Variants in ACBD6 observed in about 807,000 individuals in gnomAD.
ACBD6 encodes acyl-CoA binding domain containing 6.
Under a neutral mutation model 37.2 loss-of-function variants are expected in ACBD6, and 28 were observed. The ratio of observed to expected loss-of-function variants is 0.75; its 90% CI spans 0.56 to 1.03. The LOEUF is 1.03. Ranked by LOEUF, ACBD6 falls within the 50% of genes least tolerant of loss-of-function variation. The probability of loss-of-function intolerance (pLI) is 0.00; values close to 1 mark genes in which losing one functional copy is unlikely to be tolerated. For synonymous variants in ACBD6, 113 were observed against 126.8 expected (o/e 0.89, Z 0.73); for missense variants, 340 against 337.4 (o/e 1.01, Z -0.06).
intron 3 of ACBD6, chr1:180,435,907 C>A: frequency 7.2e-7 from 1 of 1,387,138 alleles, no homozygotes; most frequent in Non-Finnish European, 1.0e-6. Context: ...ATGGTGGTGG[C>A]CACAAGCTTG....
At chr1:180,421,679 TTAA>T (rs1317786915) in intron 4 of ACBD6, among the ~76,000 whole-genome samples, 22 of 152,194 alleles carry the variant, frequency 1.4e-4, no homozygotes, top group Non-Finnish European at 3.1e-4. Context: ...TTTTGACTTT[TTAA>T]TAACAGCCAT....
At chr1:180,433,049 T>C (rs867566792) in intron 3 of ACBD6, among the ~76,000 whole-genome samples, 2 of 152,318 alleles carry the variant, frequency 1.3e-5, no homozygotes, top group Non-Finnish European at 1.5e-5. Flanking sequence ...CACTTCTAAC[T>C]CATTTTATGA....
At chr1:180,500,461 G>A (rs992667774) in intron 1 of ACBD6, among the ~76,000 whole-genome samples, 4 of 151,664 alleles carry the variant, frequency 2.6e-5, no homozygotes, top group African/African-American at 9.7e-5. Flanking sequence ...GGGAGGCCAA[G>A]GCAGGCAGAT....
chr1:180,399,262 T>A (rs895664977), intron 5 of ACBD6, among the ~76,000 whole-genome samples: 8 of 152,080 alleles, frequency 5.3e-5, no homozygotes, highest in Non-Finnish European at 8.8e-5. Context: ...AGGAGTTATT[T>A]TTTATTTATT....
intron 6 of ACBD6, among the ~76,000 whole-genome samples, chr1:180,361,291 T>TC (rs1553298134): frequency 2.0e-5 from 3 of 149,956 alleles, no homozygotes; most frequent in African/African-American, 7.4e-5. Flanking sequence ...TTTTTTTTTT[T>TC]AAACAGGTGC....
chr1:180,269,701 CA>C (rs1164229497), exon 14 of ACBD6: 2 of 152,218 alleles, frequency 1.3e-5, no homozygotes, highest in African/African-American at 4.8e-5. Flanking sequence ...AGATTGTACA[CA>C]AGTGCACTAT....
At chr1:180,496,453 G>C (rs1418715064) in intron 1 of ACBD6, among the ~76,000 whole-genome samples, 1 of 152,118 alleles carries the variant, frequency 6.6e-6, no homozygotes, top group African/African-American at 2.4e-5. Context: ...TTTTCCCACT[G>C]TTTCCCATTA....
At chr1:180,437,823 C>G (rs1305541515) in intron 3 of ACBD6, among the ~76,000 whole-genome samples, 2 of 151,934 alleles carry the variant, frequency 1.3e-5, no homozygotes, top group African/African-American at 4.8e-5. Flanking sequence ...TAGAGAAGGC[C>G]CTTTGAATAA....
intron 6 of ACBD6, among the ~76,000 whole-genome samples, chr1:180,328,117 C>G (rs1481866939): frequency 6.6e-6 from 1 of 152,070 alleles, no homozygotes; most frequent in Non-Finnish European, 1.5e-5. Flanking sequence ...CCACTGGTAA[C>G]ACTGCTGTTT....
At chr1:180,271,116 T>G (rs1274552112) in exon 14 of ACBD6, 6 of 543,900 alleles carry the variant, frequency 1.1e-5, no homozygotes, top group Non-Finnish European at 2.0e-5. Flanking sequence ...TCTGTGCAGC[T>G]GGGCTGGCAG....
intron 3 of ACBD6, among the ~76,000 whole-genome samples, chr1:180,475,828 A>C (rs1650756038): frequency 6.6e-6 from 1 of 152,228 alleles, no homozygotes; most frequent in South Asian, 2.1e-4. Context: ...AAAAAAATAA[A>C]GTAAAATGAC....
chr1:180,420,321 T>C (rs1558292548), intron 4 of ACBD6, among the ~76,000 whole-genome samples: 1 of 152,258 alleles, frequency 6.6e-6, no homozygotes. Flanking sequence ...AAGTCACATA[T>C]AACATGTAGA....
At chr1:180,464,070 A>G (rs1650252865) in intron 3 of ACBD6, among the ~76,000 whole-genome samples, 2 of 152,222 alleles carry the variant, frequency 1.3e-5, no homozygotes, top group Non-Finnish European at 2.9e-5. Flanking sequence ...AGTATGAGCC[A>G]TCTATGACAA....
At chr1:180,390,412 A>C (rs971480416) in intron 6 of ACBD6, among the ~76,000 whole-genome samples, 3 of 151,102 alleles carry the variant, frequency 2.0e-5, no homozygotes, top group African/African-American at 7.3e-5. Flanking sequence ...GTAGCCTTGT[A>C]GTATAGTTTG....
chr1:180,396,172 T>C (rs1015644925), intron 6 of ACBD6, among the ~76,000 whole-genome samples: 29 of 152,134 alleles, frequency 1.9e-4, no homozygotes, highest in African/African-American at 6.8e-4. Flanking sequence ...TAGTGTTTAA[T>C]GGTTAGAGTT....
chr1:180,301,314 A>AT (rs1650121099), intron 7 of ACBD6, among the ~76,000 whole-genome samples: 1 of 152,184 alleles, frequency 6.6e-6, no homozygotes, highest in South Asian at 2.1e-4. Context: ...AAAGCCACAT[A>AT]TAACTGCTGA....
chr1:180,372,605 G>A (rs966436834), intron 6 of ACBD6, among the ~76,000 whole-genome samples: 6 of 152,052 alleles, frequency 3.9e-5, no homozygotes, highest in Non-Finnish European at 5.9e-5. Flanking sequence ...AATCAACGTC[G>A]CAAATCCTTT....
At chr1:180,366,325 T>C (rs73048331) in intron 6 of ACBD6, among the ~76,000 whole-genome samples, 5,200 of 152,276 alleles carry the variant, frequency 0.034, 262 homozygotes, top group African/African-American at 0.093. Context: ...GATTCAGTTG[T>C]AGGTAGCTTA....
chr1:180,271,442 T>C (rs750777255), exon 14 of ACBD6: 3 of 1,613,930 alleles, frequency 1.9e-6, no homozygotes, highest in Non-Finnish European at 2.5e-6. Flanking sequence ...GCTGGAGACA[T>C]TAAAGAATGC....
Sources: allele counts gnomAD v4.1 joint callset (sites outside exome capture counted in the v4.1 genomes callset), GRCh38; gene constraint gnomAD v4.1.1; transcripts MANE v1.5; gene names NCBI Gene and HGNC (gene_info 2026-07-23, HGNC 2026-07-21).